KLHL29: variants seen among roughly 807,000 people sequenced by gnomAD.
KLHL29 encodes the protein kelch-like protein 29.
A neutral mutation model predicts 80.4 loss-of-function variants in KLHL29; 21 were observed. The ratio of observed to expected loss-of-function variants is 0.26; its 90% CI spans 0.19 to 0.38. KLHL29 has a LOEUF of 0.38. KLHL29 is among the 10% of genes least tolerant of loss of function. The probability of loss-of-function intolerance (pLI) is 1.00; values close to 1 mark genes in which losing one functional copy is unlikely to be tolerated. For missense variants in KLHL29, 867 were observed against 1,223.9 expected (o/e 0.71, Z 4.35); for synonymous variants, 511 against 526.8 (o/e 0.97, Z 0.41).
At chr2:23,486,200 C>T (rs1664929357) in intron 2 of KLHL29, among the ~76,000 whole-genome samples, 1 of 152,174 alleles carries the variant, frequency 6.6e-6, no homozygotes, top group Non-Finnish European at 1.5e-5. Flanking sequence ...TGGGGCCCCT[C>T]CCACTTACTT....
intron 2 of KLHL29, among the ~76,000 whole-genome samples, chr2:23,547,559 C>T (rs1039376812): frequency 6.6e-6 from 1 of 151,988 alleles, no homozygotes; most frequent in African/African-American, 2.4e-5. Flanking sequence ...ACAGTAAGTG[C>T]CCAGAAAGTG....
intron 2 of KLHL29, 73 bp downstream of exon 2, chr2:23,475,740 T>C (rs1489687693): frequency 6.0e-6 from 1 of 165,790 alleles, no homozygotes; most frequent in Non-Finnish European, 1.5e-5. Flanking sequence ...TCTCCTCTCA[T>C]GCTAAATGTG....
chr2:23,556,090 C>T (rs529988223), intron 2 of KLHL29, among the ~76,000 whole-genome samples: 2 of 152,344 alleles, frequency 1.3e-5, no homozygotes, highest in South Asian at 2.1e-4. Context: ...ACATTTGCTC[C>T]GGTTCTGTGA....
chr2:23,460,423 G>A (rs1348993012), intron 1 of KLHL29, among the ~76,000 whole-genome samples: 1 of 152,142 alleles, frequency 6.6e-6, no homozygotes, highest in Admixed American at 6.5e-5. Context: ...ATGATGTAGG[G>A]GGGAAGGGAT....
chr2:23,489,618 C>T (rs1158588544), intron 2 of KLHL29, among the ~76,000 whole-genome samples: 1 of 152,030 alleles, frequency 6.6e-6, no homozygotes, highest in East Asian at 1.9e-4. Flanking sequence ...ACCAGCTTCG[C>T]ATTAATGCAT....
chr2:23,468,917 G>A (rs1335123907), intron 1 of KLHL29, among the ~76,000 whole-genome samples: 3 of 152,218 alleles, frequency 2.0e-5, no homozygotes, highest in Non-Finnish European at 4.4e-5. Flanking sequence ...TCCTGGGTGC[G>A]AGTTTCTGTC....
At chr2:23,441,037 T>C (rs1663502389) in intron 1 of KLHL29, among the ~76,000 whole-genome samples, 2 of 152,182 alleles carry the variant, frequency 1.3e-5, no homozygotes, top group Non-Finnish European at 2.9e-5. Flanking sequence ...CACGTATGTT[T>C]ATTGCGGCAC....
At chr2:23,531,216 T>C (rs1048559800) in intron 2 of KLHL29, among the ~76,000 whole-genome samples, 1 of 152,202 alleles carries the variant, frequency 6.6e-6, no homozygotes, top group Non-Finnish European at 1.5e-5. Flanking sequence ...TGCCACGTGG[T>C]GGCCAGACAG....
intron 6 of KLHL29, chr2:23,690,163 G>C (rs999141985): frequency 6.6e-6 from 1 of 152,254 alleles, no homozygotes; most frequent in Non-Finnish European, 1.5e-5. Context: ...GGCGGTGCCT[G>C]ACCTCAGAGA....
At chr2:23,555,699 T>C (rs570949724) in intron 2 of KLHL29, among the ~76,000 whole-genome samples, 1 of 152,232 alleles carries the variant, frequency 6.6e-6, no homozygotes, top group South Asian at 2.1e-4. Context: ...CCCTCAGAAG[T>C]AGGGAGATGG....
chr2:23,397,031 T>C (rs572009740), intron 1 of KLHL29, among the ~76,000 whole-genome samples: 1 of 152,184 alleles, frequency 6.6e-6, no homozygotes, highest in Admixed American at 6.5e-5. Context: ...CAAGGTCTGC[T>C]CTAGTGGCCC....
intron 2 of KLHL29, among the ~76,000 whole-genome samples, chr2:23,502,405 G>C (rs139118093): frequency 1.3e-5 from 2 of 152,212 alleles, no homozygotes; most frequent in African/African-American, 4.8e-5. Flanking sequence ...ACTAGTGGGC[G>C]GTTCTCCCGG....
At chr2:23,399,638 T>G (rs1477708791) in intron 1 of KLHL29, among the ~76,000 whole-genome samples, 1 of 152,238 alleles carries the variant, frequency 6.6e-6, no homozygotes, top group Non-Finnish European at 1.5e-5. Context: ...AAGTGTTCAG[T>G]TCACTGAGTT....
intron 2 of KLHL29, among the ~76,000 whole-genome samples, chr2:23,514,128 T>C (rs1665855688): frequency 6.6e-6 from 1 of 152,210 alleles, no homozygotes; most frequent in African/African-American, 2.4e-5. Flanking sequence ...GAAATTGTAT[T>C]CCTTTATGCA....
intron 2 of KLHL29, among the ~76,000 whole-genome samples, chr2:23,558,203 AC>A (rs2103494104): frequency 6.7e-6 from 1 of 148,868 alleles, no homozygotes; most frequent in African/African-American, 2.4e-5. Flanking sequence ...TGAATACATA[AC>A]ATCCTCTCTG....
rs569225049 is a variant in KLHL29 at position 23,638,227 on chromosome 2, C to T, written c.286-912C>T. ...ATATTGTTTGACACAGGGATGTTTA[C>T]ATAGGGAGGCCATTTGTGTATCATT... On this transcript the variant is annotated intron_variant, in intron 3 of 13. Coordinates refer to ENST00000486442, the MANE Select transcript of KLHL29 (RefSeq NM_052920.2). Among the ~76,000 whole-genome samples, 14 of 152,150 alleles carry T rather than the reference C, an allele frequency of 9.2e-5. No homozygotes were observed. In the South Asian group the frequency reaches 2.9e-3, roughly 32 times the overall value.
In KLHL29 at chr2:23,597,307, A is replaced by ATGTGTGTGTGTGTGTGTG. The variant is rs1454960849; in HGVS notation, c.285+34827_285+34828insGTGTGTGTGTGTGTGTGT. ...ATCTCTCTCTCTCTCATATATATAT[A>ATGTGTGTGTGTGTGTGTG]TATGTGTGTGTGTGTGTGTGTGTGT... On this transcript the variant is annotated intron_variant, in intron 3 of 13. Transcript: ENST00000486442. Among the ~76,000 whole-genome samples the ATGTGTGTGTGTGTGTGTG allele has an allele frequency of 1.6e-3, 173 of 106,560 alleles. 1 individual carries two copies. Among genetic ancestry groups the ATGTGTGTGTGTGTGTGTG allele is most frequent in the African/African-American group, 3.6e-3 (84 of 23,466 alleles). 69.9% of individuals were successfully genotyped at this position (106,560 alleles called of 152,430 possible). A position where few individuals can be genotyped will look rare whatever the true frequency, so the allele number is the denominator to read the frequency against.
chr2:23,558,290 A>G (rs187684813), intron 2 of KLHL29, among the ~76,000 whole-genome samples: 34 of 152,246 alleles, frequency 2.2e-4, no homozygotes, highest in Non-Finnish European at 2.9e-5. Flanking sequence ...TGGCAGGTGA[A>G]CCTTGGGAGA....
At chr2:23,454,329 A>G (rs995847238) in intron 1 of KLHL29, among the ~76,000 whole-genome samples, 2 of 149,114 alleles carry the variant, frequency 1.3e-5, no homozygotes, top group African/African-American at 5.0e-5. Context: ...TTCCAGTCCC[A>G]TAGTGAGGGG....
Sources: gnomAD v4.1 joint callset for allele counts (sites outside exome capture counted in the v4.1 genomes callset) on GRCh38, gnomAD v4.1.1 for gene constraint, MANE v1.5 for transcripts, NCBI Gene and HGNC (gene_info 2026-07-23, HGNC 2026-07-21) for gene names.